Variants in EIF4E observed in about 807,000 individuals in gnomAD.
EIF4E encodes the protein eukaryotic translation initiation factor 4E, also known as eIF-4F 25 kDa subunit.
For synonymous variants in EIF4E, 71 were observed against 88.5 expected, an observed-to-expected ratio of 0.80 and a Z score of 1.11; for missense variants, 113 against 265.6, an observed-to-expected ratio of 0.43 and a Z score of 3.99.
In EIF4E at chr4:98,887,264, G is replaced by A. The variant is rs1723961147; in HGVS notation, c.286-72C>T. ...CTTTGAGAGATAATCATTAGAAACA[G>A]TTAAGCAACAACACTGTCAACTTCT... On this transcript the variant is annotated intron_variant, in intron 4 of 6. Transcript: ENST00000450253. This position sits in a 1 kb window ranked among gnomAD's most constrained non-coding sequence, Gnocchi z 4.0. 6.8e-7 allele frequency: 1 copy of A among 1,467,758 alleles called. No individual in the cohort carries two copies. Among genetic ancestry groups the A allele is most frequent in the Non-Finnish European group, 9.5e-7 (1 of 1,048,682 alleles). The allele number at this position is 1,467,758 out of a possible 1,614,324, so 90.9% of individuals were successfully genotyped here. A position where few individuals can be genotyped will look rare whatever the true frequency, so the allele number is the denominator to read the frequency against.
chr4:98,885,376 T>C (rs1376235587), intron 5 of EIF4E, among the ~76,000 whole-genome samples: 1 of 152,208 alleles, frequency 6.6e-6, no homozygotes, highest in Non-Finnish European at 1.5e-5. Flanking sequence ...AATAGAATAA[T>C]AAAAATAGCT....
intron 6 of EIF4E, 57 bp downstream of exon 6, chr4:98,884,865 C>T: frequency 6.3e-7 from 1 of 1,599,022 alleles, no homozygotes; most frequent in Non-Finnish European, 8.5e-7. Context: ...AATAAAATAA[C>T]TTCTGGTTTT....
intron 1 of EIF4E, chr4:98,909,679 T>C: frequency 2.8e-6 from 2 of 711,312 alleles, no homozygotes; most frequent in South Asian, 3.0e-5. Context: ...GCTTATCACC[T>C]GGGATTCTCG....
intron 6 of EIF4E, among the ~76,000 whole-genome samples, chr4:98,881,667 T>C (rs1723696697): frequency 6.6e-6 from 1 of 152,162 alleles, no homozygotes; most frequent in African/African-American, 2.4e-5. Context: ...ATATTAACCA[T>C]ACCTGTTATA....
intron 1 of EIF4E, among the ~76,000 whole-genome samples, chr4:98,925,190 C>A (rs925070053): frequency 6.6e-6 from 1 of 152,130 alleles, no homozygotes; most frequent in Non-Finnish European, 1.5e-5. Flanking sequence ...CAAGTTGATT[C>A]ACTTATGAAA....
intron 5 of EIF4E, 69 bp from the exon 6 acceptor site, chr4:98,885,130 C>A (rs1028914797): frequency 8.5e-6 from 13 of 1,533,158 alleles, no homozygotes; most frequent in Non-Finnish European, 1.1e-5. Context: ...AATGTCTCTT[C>A]TGTATTTGCA....
intron 5 of EIF4E, chr4:98,886,547 CT>C: frequency 2.4e-6 from 1 of 414,312 alleles, no homozygotes; most frequent in Middle Eastern, 8.1e-4. Context: ...GATCCCATCT[CT>C]GGAAAAAAAT....
At chr4:98,917,426 T>C (rs1482322101) in intron 1 of EIF4E, among the ~76,000 whole-genome samples, 1 of 152,030 alleles carries the variant, frequency 6.6e-6, no homozygotes, top group Non-Finnish European at 1.5e-5. Flanking sequence ...TCATGCCCAC[T>C]GGTTTCCCGA....
chr4:98,903,563 C>A (rs1724738179), intron 1 of EIF4E: 1 of 438,478 alleles, frequency 2.3e-6, no homozygotes, highest in East Asian at 7.1e-5. Flanking sequence ...AGGCTGGTCT[C>A]AAACTCCTGA....
At chr4:98,916,026 A>G (rs1202253609) in intron 1 of EIF4E, among the ~76,000 whole-genome samples, 1 of 151,366 alleles carries the variant, frequency 6.6e-6, no homozygotes, top group African/African-American at 2.4e-5. Context: ...ACTCGTCTCT[A>G]CTAAAAATAT....
intron 1 of EIF4E, among the ~76,000 whole-genome samples, chr4:98,908,846 C>T (rs1724990625): frequency 6.6e-6 from 1 of 152,178 alleles, no homozygotes; most frequent in South Asian, 2.1e-4. Flanking sequence ...GTAAACATGT[C>T]ATTTAAATCC....
At chr4:98,895,563 C>T (rs1257551791) in intron 2 of EIF4E, 1 of 152,124 alleles carries the variant, frequency 6.6e-6, no homozygotes, top group Non-Finnish European at 1.5e-5. Flanking sequence ...GGTAACTTCA[C>T]CTAGACAGAA....
intron 2 of EIF4E, among the ~76,000 whole-genome samples, chr4:98,896,743 C>T (rs893596349): frequency 6.7e-6 from 1 of 148,902 alleles, no homozygotes; most frequent in Non-Finnish European, 1.5e-5. Context: ...TTTGCGAGGC[C>T]GAGGTGGATG....
intron 5 of EIF4E, among the ~76,000 whole-genome samples, chr4:98,885,800 C>T (rs1723891661): frequency 6.6e-6 from 1 of 152,124 alleles, no homozygotes; most frequent in South Asian, 2.1e-4. Flanking sequence ...ACCATTTTAA[C>T]CACCTTTAAG....
intron 1 of EIF4E, among the ~76,000 whole-genome samples, chr4:98,912,336 G>C (rs189304530): frequency 6.6e-6 from 1 of 151,832 alleles, no homozygotes; most frequent in East Asian, 1.9e-4. Flanking sequence ...CAACACTTTG[G>C]GAGGCCAACA....
At chr4:98,898,197 C>T (rs1724496988) in intron 2 of EIF4E, among the ~76,000 whole-genome samples, 1 of 152,160 alleles carries the variant, frequency 6.6e-6, no homozygotes, top group Non-Finnish European at 1.5e-5. Context: ...AACTATTCTC[C>T]CTTTTCCAAC....
At chr4:98,919,059 A>T (rs572133534) in intron 1 of EIF4E, among the ~76,000 whole-genome samples, 1 of 152,322 alleles carries the variant, frequency 6.6e-6, no homozygotes, top group East Asian at 1.9e-4. Context: ...CTGTAATCCC[A>T]GCACTTTGGG....
intron 2 of EIF4E, among the ~76,000 whole-genome samples, chr4:98,899,232 G>GTA (rs1044254702): frequency 2.0e-5 from 3 of 151,872 alleles, no homozygotes; most frequent in African/African-American, 7.3e-5. Flanking sequence ...TAGCTTGAAA[G>GTA]TAGGGGAAAA....
chr4:98,904,643 C>T (rs10019506), intron 1 of EIF4E, among the ~76,000 whole-genome samples: 20,943 of 151,970 alleles, frequency 0.14, 1,699 homozygotes, highest in African/African-American at 0.22. Flanking sequence ...TGGTAGCACG[C>T]GCCTGTAATC....
Sources: gnomAD v4.1 joint callset for allele counts (sites outside exome capture counted in the v4.1 genomes callset) on GRCh38, gnomAD v4.1.1 for gene constraint, Gnocchi (gnomAD v3.1) non-coding constraint, MANE v1.5 for transcripts, NCBI Gene and HGNC (gene_info 2026-07-23, HGNC 2026-07-21) for gene names.